Variants in PLXNA4 observed in about 807,000 individuals in gnomAD.
PLXNA4 encodes plexin-A4.
A neutral mutation model predicts 191.8 loss-of-function variants in PLXNA4; 44 were observed. The ratio of observed to expected loss-of-function variants is 0.23; its 90% CI spans 0.18 to 0.29. The LOEUF (loss-of-function observed/expected upper bound fraction) is 0.29. Among genes scored for constraint, PLXNA4 ranks in the 10% least tolerant of loss-of-function variants. PLXNA4 has a pLI of 1.00. For missense variants in PLXNA4, 1,800 were observed against 2,488.8 expected, an observed-to-expected ratio of 0.72 and a Z score of 5.89; for synonymous variants, 1,082 against 1,009.5, an observed-to-expected ratio of 1.07 and a Z score of -1.36.
intron 1 of PLXNA4, among the ~76,000 whole-genome samples, chr7:132,535,801 G>A (rs1799808392): frequency 6.6e-6 from 1 of 151,990 alleles, no homozygotes; most frequent in Non-Finnish European, 1.5e-5. Flanking sequence ...ACCAATAGGA[G>A]CTAATTACAG....
intron 2 of PLXNA4, among the ~76,000 whole-genome samples, chr7:132,593,194 T>C (rs764892076): frequency 2.2e-4 from 34 of 152,214 alleles, no homozygotes; most frequent in African/African-American, 4.1e-4. Context: ...ACCCACACAA[T>C]TGACGCGCAG....
chr7:132,353,267 C>G (rs927293808), intron 3 of PLXNA4, among the ~76,000 whole-genome samples: 1 of 152,146 alleles, frequency 6.6e-6, no homozygotes, highest in Non-Finnish European at 1.5e-5. Flanking sequence ...TCCCAGAACA[C>G]TTTTTGTGAT....
At chr7:132,545,105 T>G (rs1800241918) in intron 1 of PLXNA4, among the ~76,000 whole-genome samples, 1 of 152,202 alleles carries the variant, frequency 6.6e-6, no homozygotes, top group Non-Finnish European at 1.5e-5. Flanking sequence ...CCAGGACTCC[T>G]CTCCGGCTTC....
At chr7:132,599,410 A>T (rs1013420328) in intron 2 of PLXNA4, among the ~76,000 whole-genome samples, 2 of 152,190 alleles carry the variant, frequency 1.3e-5, no homozygotes, top group African/African-American at 4.8e-5. Context: ...TATGTACTTT[A>T]TTACATATTA....
At chr7:132,544,419 C>T (rs547934417) in intron 1 of PLXNA4, among the ~76,000 whole-genome samples, 1 of 152,272 alleles carries the variant, frequency 6.6e-6, no homozygotes, top group Admixed American at 6.5e-5. Context: ...GCACAATTCC[C>T]GTTTTGGGGA....
At chr7:132,284,152 G>A (rs1800594086) in intron 4 of PLXNA4, among the ~76,000 whole-genome samples, 1 of 152,174 alleles carries the variant, frequency 6.6e-6, no homozygotes. Flanking sequence ...CAGCCTGGGT[G>A]GCAGAGTGAG....
chr7:132,455,586 G>A (rs1239740099), intron 3 of PLXNA4, among the ~76,000 whole-genome samples: 1 of 152,168 alleles, frequency 6.6e-6, no homozygotes, highest in Non-Finnish European at 1.5e-5. Flanking sequence ...GGGAGCCCGC[G>A]CAGTATGTTT....
At chr7:132,201,858 T>C (rs1019136449) in intron 12 of PLXNA4, among the ~76,000 whole-genome samples, 2 of 152,114 alleles carry the variant, frequency 1.3e-5, no homozygotes, top group African/African-American at 4.8e-5. Flanking sequence ...ATTTTACCAA[T>C]GATGATGAGT....
At chr7:132,523,423 A>G (rs1799268373) in intron 1 of PLXNA4, among the ~76,000 whole-genome samples, 1 of 152,174 alleles carries the variant, frequency 6.6e-6, no homozygotes, top group Admixed American at 6.5e-5. Flanking sequence ...TTTCTAGGCC[A>G]AAGGAAATGT....
chr7:132,605,271 C>T (rs1044152371), intron 2 of PLXNA4, among the ~76,000 whole-genome samples: 26 of 152,202 alleles, frequency 1.7e-4, no homozygotes, highest in African/African-American at 6.0e-4. Flanking sequence ...CACTTTGCCT[C>T]GTAGCCCCGG....
intron 4 of PLXNA4, among the ~76,000 whole-genome samples, chr7:132,296,897 C>T (rs533624129): frequency 1.3e-5 from 2 of 152,188 alleles, no homozygotes; most frequent in African/African-American, 4.8e-5. Context: ...GGGAATGAGA[C>T]CATTCCCAAG....
chr7:132,364,411 C>T (rs1804071560), intron 3 of PLXNA4, among the ~76,000 whole-genome samples: 1 of 152,198 alleles, frequency 6.6e-6, no homozygotes, highest in South Asian at 2.1e-4. Context: ...GCTTTAGACT[C>T]CTTGTCCTCT....
At chr7:132,163,768 C>T (rs572728687) in intron 24 of PLXNA4, among the ~76,000 whole-genome samples, 1 of 152,324 alleles carries the variant, frequency 6.6e-6, no homozygotes, top group East Asian at 1.9e-4. Flanking sequence ...TTCCTTTCCT[C>T]TCTGTCCCCC....
At chr7:132,224,169 ACTCCT>A (rs1270012694) in intron 8 of PLXNA4, among the ~76,000 whole-genome samples, 1 of 151,758 alleles carries the variant, frequency 6.6e-6, no homozygotes, top group African/African-American at 2.4e-5. Flanking sequence ...AGAGCTCCTG[ACTCCT>A]TAAAAGCCCA....
At chr7:132,140,489 A>G in intron 30 of PLXNA4, 110 bp downstream of exon 30, 1 of 1,454,472 alleles carries the variant, frequency 6.9e-7, no homozygotes, top group Non-Finnish European at 9.2e-7. Flanking sequence ...GGCTTTGTGA[A>G]TGACTCATCT....
intron 3 of PLXNA4, among the ~76,000 whole-genome samples, chr7:132,383,239 C>A (rs1400963438): frequency 6.6e-6 from 1 of 152,046 alleles, no homozygotes; most frequent in Non-Finnish European, 1.5e-5. Context: ...GAGAAAAGAC[C>A]CCCTCACTGC....
At chr7:132,570,935 T>C (rs1160830287) in intron 1 of PLXNA4, among the ~76,000 whole-genome samples, 1 of 152,186 alleles carries the variant, frequency 6.6e-6, no homozygotes, top group Non-Finnish European at 1.5e-5. Flanking sequence ...CCTCCCAATG[T>C]TTTATCCACT....
chr7:132,181,297 G>A, intron 18 of PLXNA4, 84 bp downstream of exon 18: 1 of 1,579,112 alleles, frequency 6.3e-7, no homozygotes, highest in Non-Finnish European at 8.6e-7. Context: ...TGAGAAATGT[G>A]GCAGGAGTCT....
intron 3 of PLXNA4, among the ~76,000 whole-genome samples, chr7:132,387,012 T>G (rs1268209925): frequency 6.6e-6 from 1 of 152,228 alleles, no homozygotes; most frequent in Non-Finnish European, 1.5e-5. Context: ...ACAAATGCAT[T>G]GAGTATGTGC....
Sources: allele counts gnomAD v4.1 joint callset (sites outside exome capture counted in the v4.1 genomes callset), GRCh38; gene constraint gnomAD v4.1.1; transcripts MANE v1.5; gene names NCBI Gene and HGNC (gene_info 2026-07-23, HGNC 2026-07-21).